KATNAL1: variants seen among roughly 807,000 people sequenced by gnomAD.
The protein encoded by KATNAL1 is katanin p60 ATPase-containing subunit A-like 1.
A neutral mutation model predicts 55.2 loss-of-function variants in KATNAL1; 32 were observed. The ratio of observed to expected loss-of-function variants is 0.58; its 90% CI spans 0.44 to 0.78. KATNAL1 has a LOEUF of 0.78. Ranked by LOEUF, KATNAL1 falls within the 30% of genes least tolerant of loss-of-function variation. The pLI, the probability that KATNAL1 is intolerant of heterozygous loss-of-function variation, is 0.00. For missense variants in KATNAL1, 466 were observed against 600.9 expected (o/e 0.78, Z 2.35); for synonymous variants, 193 against 193.6 (o/e 1.00, Z 0.02).
intron 1 of KATNAL1, among the ~76,000 whole-genome samples, chr13:30,301,053 G>A (rs1337209209): frequency 6.6e-6 from 1 of 152,190 alleles, no homozygotes; most frequent in Non-Finnish European, 1.5e-5. Flanking sequence ...ATCTGTTACT[G>A]TGTCTCAAGA....
At chr13:30,300,256 G>C (rs1882776382) in intron 1 of KATNAL1, among the ~76,000 whole-genome samples, 1 of 152,082 alleles carries the variant, frequency 6.6e-6, no homozygotes, top group South Asian at 2.1e-4. Context: ...ATACATATGA[G>C]GCTAAGAAAA....
At chr13:30,236,236 G>T (rs377091133) in intron 6 of KATNAL1, among the ~76,000 whole-genome samples, 1 of 152,196 alleles carries the variant, frequency 6.6e-6, no homozygotes, top group African/African-American at 2.4e-5. Flanking sequence ...TAAGAGGGTA[G>T]TGGGAACTCC....
intron 3 of KATNAL1, among the ~76,000 whole-genome samples, chr13:30,270,000 A>T (rs1476072065): frequency 3.5e-5 from 5 of 144,302 alleles, no homozygotes; most frequent in Non-Finnish European, 7.6e-5. Flanking sequence ...CTGCCCGGCC[A>T]GCCGCCCCGT....
At chr13:30,285,394 G>A (rs367859045) in intron 1 of KATNAL1, among the ~76,000 whole-genome samples, 1 of 152,106 alleles carries the variant, frequency 6.6e-6, no homozygotes, top group Non-Finnish European at 1.5e-5. Context: ...TGCTGTTCTT[G>A]TGATAATGAG....
At chr13:30,256,403 G>C (rs1032061267) in intron 3 of KATNAL1, among the ~76,000 whole-genome samples, 1 of 152,122 alleles carries the variant, frequency 6.6e-6, no homozygotes, top group Non-Finnish European at 1.5e-5. Flanking sequence ...CTATCACTTC[G>C]TGTCTAATCT....
intron 3 of KATNAL1, among the ~76,000 whole-genome samples, chr13:30,262,876 A>G (rs1357047476): frequency 6.6e-6 from 1 of 152,162 alleles, no homozygotes; most frequent in East Asian, 1.9e-4. Context: ...TTATGAGGCC[A>G]GCATCATCCT....
intron 4 of KATNAL1, among the ~76,000 whole-genome samples, chr13:30,250,308 A>T (rs1039335417): frequency 1.3e-5 from 2 of 152,256 alleles, no homozygotes; most frequent in Non-Finnish European, 2.9e-5. Context: ...TAGCATAAAA[A>T]ATCTGATTAT....
chr13:30,205,209 A>G lies in KATNAL1; in HGVS notation c.*3331T>C, dbSNP rs1381834579. ...TTTTCCAAAGCACAAACAGATTACT[A>G]TGCCTCTCCATCAGTGATCTAAACT... is the stretch of plus-strand genomic sequence containing the variant. On this transcript the variant is annotated 3_prime_UTR_variant, in exon 11 of 11. Transcript: ENST00000380615. The G allele has an allele frequency of 2.6e-5, 4 of 152,250 alleles. No homozygotes were observed. Among genetic ancestry groups the G allele is most frequent in the Non-Finnish European group, 5.9e-5 (4 of 68,048 alleles). 9.4% of individuals were successfully genotyped at this position (152,250 alleles called of 1,614,324 possible). A position where few individuals can be genotyped will look rare whatever the true frequency, so the allele number is the denominator to read the frequency against.
At chr13:30,273,435 A>C (rs1402450977) in intron 3 of KATNAL1, among the ~76,000 whole-genome samples, 1 of 152,214 alleles carries the variant, frequency 6.6e-6, no homozygotes, top group Non-Finnish European at 1.5e-5. Context: ...AGTAACTTAG[A>C]ATCTTTAAGC....
chr13:30,228,938 C>T (rs992343418), intron 8 of KATNAL1, among the ~76,000 whole-genome samples: 1 of 152,018 alleles, frequency 6.6e-6, no homozygotes, highest in Non-Finnish European at 1.5e-5. Context: ...GTTTTTGCTA[C>T]GTTAAAGTCT....
chr13:30,241,395 G>A (rs757630852), intron 4 of KATNAL1, among the ~76,000 whole-genome samples: 2 of 152,110 alleles, frequency 1.3e-5, no homozygotes, highest in African/African-American at 4.8e-5. Flanking sequence ...AGACGCAGAG[G>A]ATTTCCACCA....
rs1329602855 is a variant in KATNAL1, at chr13:30,207,599, T to A, written c.*941A>T. 6.6e-6 allele frequency: 1 copy of A among 152,108 alleles called. No homozygotes were observed. The highest frequency in any genetic ancestry group is 1.5e-5 in the Non-Finnish European group (1 of 68,026). 9.4% of individuals were successfully genotyped at this position (152,108 alleles called of 1,614,324 possible). A position where few individuals can be genotyped will look rare whatever the true frequency, so the allele number is the denominator to read the frequency against. ...ATGGCTATATATCTGGTTGAACATGTTGAAAGAAAAGTGAAAACACAGCCA... is the reference window on the plus strand; with the variant it reads ...ATGGCTATATATCTGGTTGAACATGATGAAAGAAAAGTGAAAACACAGCCA... On this transcript the variant is annotated 3_prime_UTR_variant, in exon 11 of 11. Coordinates refer to ENST00000380615, the MANE Select transcript of KATNAL1 (RefSeq NM_032116.5).
chr13:30,239,164 C>A lies in KATNAL1; in HGVS notation c.726+1296G>T, dbSNP rs1876992908. Among the ~76,000 whole-genome samples the A allele has an allele frequency of 2.0e-5, 3 of 152,184 alleles. No individual in the cohort carries two copies. In the South Asian group the frequency reaches 6.2e-4, roughly 32 times the overall value. On this transcript the variant is annotated intron_variant, in intron 6 of 10. Transcript: ENST00000380615. Reference sequence around the variant, plus strand: ...GTGGTTTATGCTTGTAATCCCAGCACTTCGGGAGACCAAGGTGGGAGGTTC... The same window carrying A: ...GTGGTTTATGCTTGTAATCCCAGCAATTCGGGAGACCAAGGTGGGAGGTTC...
At chr13:30,294,051 T>C (rs971620713) in intron 1 of KATNAL1, among the ~76,000 whole-genome samples, 2 of 152,212 alleles carry the variant, frequency 1.3e-5, no homozygotes, top group Non-Finnish European at 2.9e-5. Context: ...AATAGGCTGT[T>C]GCCCTCTCTC....
At chr13:30,226,902 C>T (rs531562482) in intron 9 of KATNAL1, among the ~76,000 whole-genome samples, 3 of 152,108 alleles carry the variant, frequency 2.0e-5, no homozygotes, top group Middle Eastern at 3.4e-3. Context: ...ATGGCAAAAC[C>T]CTGTCTCTAC....
chr13:30,242,289 G>C (rs2137428040), intron 4 of KATNAL1, among the ~76,000 whole-genome samples: 1 of 152,300 alleles, frequency 6.6e-6, no homozygotes, highest in East Asian at 1.9e-4. Context: ...TAATATGAAT[G>C]TCCAAGTGGC....
chr13:30,218,910 A>AT (rs1485042923), intron 9 of KATNAL1, among the ~76,000 whole-genome samples: 6 of 152,160 alleles, frequency 3.9e-5, no homozygotes, highest in African/African-American at 1.4e-4. Flanking sequence ...TAATACAATT[A>AT]TTTTGTCTCA....
chr13:30,230,657 A>G, intron 7 of KATNAL1, 63 bp from the exon 8 acceptor site: 1 of 1,262,888 alleles, frequency 7.9e-7, no homozygotes, highest in Non-Finnish European at 1.1e-6. Flanking sequence ...AGTATTTAAA[A>G]AAATCTTTTA....
intron 3 of KATNAL1, among the ~76,000 whole-genome samples, chr13:30,260,331 G>A (rs560704674): frequency 2.6e-5 from 4 of 152,292 alleles, no homozygotes; most frequent in African/African-American, 9.6e-5. Flanking sequence ...CTCCTCCAAA[G>A]GAATGCAGTT....
Sources: gnomAD v4.1 joint callset for allele counts (sites outside exome capture counted in the v4.1 genomes callset) on GRCh38, gnomAD v4.1.1 for gene constraint, MANE v1.5 for transcripts, NCBI Gene and HGNC (gene_info 2026-07-23, HGNC 2026-07-21) for gene names.